The following WDR36 variants were observed in gnomAD, a reference collection of about 807,000 sequenced individuals.
WDR36 encodes the protein WD repeat domain 36.
A neutral mutation model predicts 112.7 loss-of-function variants in WDR36; 63 were observed. The observed-to-expected ratio is 0.56, with a 90% CI of 0.46 to 0.69. The LOEUF (loss-of-function observed/expected upper bound fraction) is 0.69. WDR36 is among the 30% of genes least tolerant of loss of function. WDR36 has a pLI of 0.00. For missense variants in WDR36, 1,226 were observed against 1,070.3 expected, an observed-to-expected ratio of 1.15 and a Z score of -2.03; for synonymous variants, 410 against 362.2, an observed-to-expected ratio of 1.13 and a Z score of -1.50.
chr5:111,115,777 A>G (rs1753442966), intron 16 of WDR36, among the ~76,000 whole-genome samples: 1 of 152,154 alleles, frequency 6.6e-6, no homozygotes, highest in Non-Finnish European at 1.5e-5. Flanking sequence ...TGGGTATTAA[A>G]GTTTCCTGTA....
At chr5:111,112,266 C>T (rs1300294929) in intron 15 of WDR36, among the ~76,000 whole-genome samples, 5 of 151,896 alleles carry the variant, frequency 3.3e-5, no homozygotes, top group African/African-American at 7.2e-5. Flanking sequence ...TAAGTTATTC[C>T]GGTTAGTCAA....
intron 10 of WDR36, among the ~76,000 whole-genome samples, chr5:111,105,610 G>A (rs1223762826): frequency 6.6e-6 from 1 of 151,576 alleles, no homozygotes; most frequent in African/African-American, 2.4e-5. Flanking sequence ...CCCAAAAGAT[G>A]TTCATGGCCT....
chr5:111,129,849 G>A lies in WDR36; in HGVS notation c.*2966G>A, dbSNP rs1156554980. On this transcript the variant is annotated 3_prime_UTR_variant, in exon 23 of 23. Transcript: ENST00000513710. ...TCTACGACATGTTTCTGTGTGAGTA[G>A]TTAACATGTAGATCTTTAGAATTGA... The A allele has an allele frequency of 4.8e-6, 1 of 207,612 alleles. No individual in the cohort carries two copies. The allele number at this position is 207,612 out of a possible 1,614,324, so 12.9% of individuals were successfully genotyped here.
intron 6 of WDR36, among the ~76,000 whole-genome samples, chr5:111,103,407 G>A (rs183197661): frequency 4.0e-5 from 6 of 151,798 alleles, no homozygotes; most frequent in Admixed American, 1.3e-4. Flanking sequence ...CACACATAGC[G>A]CAAGCCTTTA....
At position 111,117,615 on chromosome 5, in the gene WDR36, C is replaced by T. The variant is rs187351397; in HGVS notation, c.1797-1398C>T. On this transcript the variant is annotated intron_variant, in intron 16 of 22. Coordinates refer to ENST00000513710, the MANE Select transcript of WDR36 (RefSeq NM_139281.3). ...ACCTTGAGCGAGTTTTCAAATCTTACTGGGCCTCAGTTTTCTGGACTGATC... is the reference window on the plus strand; with the variant it reads ...ACCTTGAGCGAGTTTTCAAATCTTATTGGGCCTCAGTTTTCTGGACTGATC... 1.0e-3 allele frequency among the ~76,000 whole-genome samples: 159 copies of T among 152,280 alleles called. 1 individual carries two copies. In the Middle Eastern group the frequency reaches 0.014, roughly 13 times the overall value.
intron 17 of WDR36, 85 bp from the exon 18 acceptor site, chr5:111,120,409 CTG>C: frequency 1.9e-6 from 2 of 1,057,896 alleles, no homozygotes; most frequent in Admixed American, 1.8e-5. Context: ...TAATAAAAGT[CTG>C]TAGTCAAATT....
At position 111,127,005 on chromosome 5, in the gene WDR36, A is replaced by G. The variant is rs1363924976; in HGVS notation, c.*122A>G. 1.1e-6 allele frequency: 1 copy of G among 908,048 alleles called. No individual in the cohort carries two copies. Among genetic ancestry groups the G allele is most frequent in the African/African-American group, 1.7e-5 (1 of 58,672 alleles). 56.2% of individuals were successfully genotyped at this position (908,048 alleles called of 1,614,324 possible). A position where few individuals can be genotyped will look rare whatever the true frequency, so the allele number is the denominator to read the frequency against. ...GCTAGCACTACTGACTAGTCAGTAT[A>G]TCTCCACTTTAAATGCTAAATACTT... On this transcript the variant is annotated 3_prime_UTR_variant, in exon 23 of 23. Transcript: ENST00000513710.
intron 18 of WDR36, among the ~76,000 whole-genome samples, 194 bp downstream of exon 18, chr5:111,120,787 C>T (rs1049108165): frequency 4.0e-5 from 6 of 151,870 alleles, no homozygotes; most frequent in Non-Finnish European, 8.8e-5. Flanking sequence ...AAATAGTATA[C>T]CATTGAAGAA....
chr5:111,103,828 C>T lies in WDR36; in HGVS notation c.640C>T (p.Gln214Ter), dbSNP rs1753168143. ...DVVAIGLMSGQVIIHNIKFNE... is the reference protein window; with the variant it reads ...DVVAIGLMSG Reference sequence around the variant, plus strand: ...TGTTGCTATTGGTCTTATGTCAGGTCAAGTTATCATTCACAACATTAAATT... The same window carrying T: ...TGTTGCTATTGGTCTTATGTCAGGTTAAGTTATCATTCACAACATTAAATT... Residue 214 changes from glutamine to a stop codon, truncating the protein, a stop_gained, in exon 7 of 23, where the codon CAA becomes TAA. Transcript: ENST00000513710. LOFTEE classifies it high-confidence loss of function. The T allele has an allele frequency of 1.2e-6, 2 of 1,611,180 alleles. No individual in the cohort carries two copies. The highest frequency in any genetic ancestry group is 2.2e-5 in the East Asian group (1 of 44,802).
Position 111,092,358 on chromosome 5 carries a change from C to T in WDR36, c.-99C>T. On this transcript the variant is annotated 5_prime_UTR_variant, in exon 1 of 23. Transcript: ENST00000513710. ...GGCGCCGGAAGCGGTGTTGTGTCTG[C>T]AGCTCTGGCAGAGGACTGTTCCACT... The T allele has an allele frequency of 1.9e-6, 3 of 1,614,232 alleles. No homozygotes were observed. Among genetic ancestry groups the T allele is most frequent in the Middle Eastern group, 1.7e-4 (1 of 6,058 alleles).
intron 9 of WDR36, 94 bp downstream of exon 9, chr5:111,104,911 A>T: frequency 6.4e-7 from 1 of 1,573,596 alleles, no homozygotes; most frequent in Non-Finnish European, 8.7e-7. Flanking sequence ...ACTTAGATTC[A>T]CATATCTCTT....
intron 16 of WDR36, among the ~76,000 whole-genome samples, chr5:111,115,235 T>G (rs1753431570): frequency 6.6e-6 from 1 of 152,178 alleles, no homozygotes; most frequent in Non-Finnish European, 1.5e-5. Context: ...GAAAAAAGTT[T>G]TGGTTAAAAT....
intron 16 of WDR36, among the ~76,000 whole-genome samples, chr5:111,116,915 G>A (rs1388497140): frequency 2.6e-5 from 4 of 152,188 alleles, no homozygotes; most frequent in Non-Finnish European, 5.9e-5. Context: ...TACCCTTCAC[G>A]TATGTAAACT....
rs1753008867 is a variant in WDR36, at chr5:111,097,124, G to A, written c.236G>A (p.Arg79Lys). Residue 79 changes from arginine (R) to lysine (K), a missense_variant, in exon 3 of 23, where the codon AGA becomes AAA. By Grantham distance (26) the Arg-to-Lys change is conservative (BLOSUM62 2). Coordinates refer to ENST00000513710, the MANE Select transcript of WDR36 (RefSeq NM_139281.3). ...QDICCMAADG[R>K]LVFAAYGNVF... Reference sequence around the variant, plus strand: ...ATCTGCTGTATGGCAGCTGATGGCAGATTAGTCTTTGCTGCTTATGGAAAT... The same window carrying A: ...ATCTGCTGTATGGCAGCTGATGGCAAATTAGTCTTTGCTGCTTATGGAAAT... 1.2e-6 allele frequency: 2 copies of A among 1,613,650 alleles called. No individual in the cohort carries two copies. The highest frequency in any genetic ancestry group is 1.1e-5 in the South Asian group (1 of 91,070).
At chr5:111,107,827 C>A (rs1433528368) in intron 12 of WDR36, among the ~76,000 whole-genome samples, 1 of 151,378 alleles carries the variant, frequency 6.6e-6, no homozygotes, top group African/African-American at 2.4e-5. Context: ...ACTCTGAATT[C>A]TCTTCCATTG....
At chr5:111,117,911 A>T (rs1753489582) in intron 16 of WDR36, among the ~76,000 whole-genome samples, 1 of 152,106 alleles carries the variant, frequency 6.6e-6, no homozygotes, top group Non-Finnish European at 1.5e-5. Flanking sequence ...AGATGAGTGT[A>T]GGCCTTTCTC....
chr5:111,109,769 C>G (rs544093547), intron 12 of WDR36, among the ~76,000 whole-genome samples: 1 of 150,852 alleles, frequency 6.6e-6, no homozygotes, highest in East Asian at 1.9e-4. Context: ...CTTGGCCATT[C>G]TAACTAATGG....
At chr5:111,104,951 A>G (rs1753195913) in intron 9 of WDR36, 134 bp downstream of exon 9, 3 of 1,381,194 alleles carry the variant, frequency 2.2e-6, no homozygotes, top group Admixed American at 1.7e-5. Flanking sequence ...GGTAAAACTA[A>G]GAGTCCTTTT....
chr5:111,116,575 T>G (rs910129906), intron 16 of WDR36, among the ~76,000 whole-genome samples: 1 of 151,308 alleles, frequency 6.6e-6, no homozygotes, highest in African/African-American at 2.4e-5. Context: ...GGAATTGTTT[T>G]AATATTATTT....
Sources: gnomAD v4.1 joint callset for allele counts (sites outside exome capture counted in the v4.1 genomes callset) on GRCh38, gnomAD v4.1.1 for gene constraint, MANE v1.5 for transcripts, NCBI Gene and HGNC (gene_info 2026-07-23, HGNC 2026-07-21) for gene names.